The following HSP90AA1 variants were observed in gnomAD, a reference collection of about 807,000 sequenced individuals.
The protein encoded by HSP90AA1 is heat shock protein 90 alpha family class A member 1.
In HSP90AA1, 18 loss-of-function variants were observed where a neutral mutation model predicts 73.3. The observed-to-expected ratio is 0.25, with a 90% confidence interval of 0.17 to 0.36. HSP90AA1 has a LOEUF of 0.36. Among genes scored for constraint, HSP90AA1 ranks in the 10% least tolerant of loss-of-function variants. HSP90AA1 has a pLI of 1.00. For synonymous variants in HSP90AA1, 477 were observed against 296.9 expected (o/e 1.61, Z -6.24); for missense variants, 704 against 874.2 (o/e 0.81, Z 2.45).
chr14:102,129,504 CTTTTT>C (rs34986713), intron 1 of HSP90AA1, among the ~76,000 whole-genome samples: 11 of 108,524 alleles, frequency 1.0e-4, no homozygotes, highest in African/African-American at 2.4e-4. Context: ...TACTACATTC[CTTTTT>C]TTTTTTTTTT....
Position 102,086,998 on chromosome 14 carries a change from A to G in HSP90AA1, c.-13T>C, listed in dbSNP as rs2049258748. 2 of 983,820 alleles carry G rather than the reference A, an allele frequency of 2.0e-6. No homozygotes were observed. The highest frequency in any genetic ancestry group is 2.4e-6 in the Non-Finnish European group (2 of 829,662). 60.9% of individuals were successfully genotyped at this position (983,820 alleles called of 1,614,324 possible). A position where few individuals can be genotyped will look rare whatever the true frequency, so the allele number is the denominator to read the frequency against. ...AACCACCCGTCACCTTGGCTAAGTG[A>G]CCGCACAGGACCAACGGCACAGCCA... On this transcript the variant is annotated 5_prime_UTR_variant, in exon 1 of 11. Coordinates refer to ENST00000216281, the MANE Select transcript of HSP90AA1 (RefSeq NM_005348.4).
intron 2 of HSP90AA1, chr14:102,101,760 A>G (rs2049495989): frequency 1.2e-6 from 1 of 826,064 alleles, no homozygotes; most frequent in African/African-American, 1.7e-5. Context: ...AATAAACAAT[A>G]AAGAGAGTGA....
rs2049201467 is a variant in HSP90AA1 at position 102,085,370 on chromosome 14, G to A, written c.591C>T (p.Tyr197=). The A allele has an allele frequency of 1.2e-6, 2 of 1,612,398 alleles. No homozygotes were observed. Among genetic ancestry groups the A allele is most frequent in the East Asian group, 4.5e-5 (2 of 44,880 alleles). The part of the protein sequence containing the change: ...ILHLKEDQTE[Y]LEERRIKEIV... ...TCTCCTTTATTCTTCGTTCCTCCAA[G>A]TACTCAGTTTGGTCTTCTTTCAGGT... The change falls in exon 4 of 11, where the codon TAC becomes TAT. Residue 197 remains tyrosine, a synonymous_variant. Transcript: ENST00000216281.
intron 2 of HSP90AA1, among the ~76,000 whole-genome samples, chr14:102,092,855 ACT>A (rs920844665): frequency 9.2e-5 from 14 of 151,766 alleles, no homozygotes; most frequent in African/African-American, 3.4e-4. Flanking sequence ...AGTTCAAGTA[ACT>A]CTCATGCTTC....
chr14:102,114,873 G>A (rs1032935252), intron 1 of HSP90AA1, among the ~76,000 whole-genome samples: 4 of 152,068 alleles, frequency 2.6e-5, no homozygotes, highest in South Asian at 4.1e-4. Flanking sequence ...GGTGGCTCAC[G>A]CCTGTAATCC....
Position 102,080,989 on chromosome 14 carries a change from G to A in HSP90AA1, c.*723C>T, listed in dbSNP as rs1328158532. On this transcript the variant is annotated 3_prime_UTR_variant, in exon 11 of 11. Coordinates refer to ENST00000216281, the MANE Select transcript of HSP90AA1 (RefSeq NM_005348.4). ...CTAGCGCCTCATGTTTTACATTTTG[G>A]CACTAACTGTCATCCAGATACTCCC... 1 of 226,552 alleles carries A rather than the reference G, an allele frequency of 4.4e-6. No homozygotes were observed. The highest frequency in any genetic ancestry group is 8.8e-6 in the Non-Finnish European group (1 of 114,132). The allele number at this position is 226,552 out of a possible 1,614,324, so 14.0% of individuals were successfully genotyped here.
chr14:102,107,220 C>A (rs760479340), intron 1 of HSP90AA1, among the ~76,000 whole-genome samples: 1 of 152,052 alleles, frequency 6.6e-6, no homozygotes, highest in East Asian at 1.9e-4. Flanking sequence ...AGTGCCCCAA[C>A]CCTGGCCTGC....
intron 1 of HSP90AA1, among the ~76,000 whole-genome samples, chr14:102,132,137 G>C (rs982554218): frequency 6.6e-6 from 1 of 152,176 alleles, no homozygotes; most frequent in Admixed American, 6.6e-5. Context: ...GGGAGGCCGA[G>C]ACGGGCAGAT....
chr14:102,133,622 T>A (rs2049937385), intron 1 of HSP90AA1, among the ~76,000 whole-genome samples: 1 of 151,912 alleles, frequency 6.6e-6, no homozygotes, highest in African/African-American at 2.4e-5. Flanking sequence ...TAGCTGGGAT[T>A]ACAGGCATAT....
chr14:102,110,573 CCAT>C (rs2049627542), intron 1 of HSP90AA1, among the ~76,000 whole-genome samples: 1 of 150,426 alleles, frequency 6.6e-6, no homozygotes, highest in Admixed American at 6.6e-5. Context: ...GCGCCCACCA[CCAT>C]GCCCGGATAA....
upstream of HSP90AA1, chr14:102,087,189 C>T (rs1238667725): frequency 3.1e-6 from 3 of 982,454 alleles, no homozygotes; most frequent in Non-Finnish European, 3.6e-6. Flanking sequence ...GTTGCCGCGG[C>T]ACCCCGCCCC....
chr14:102,130,057 G>A lies in HSP90AA1; in HGVS notation c.155+9193C>T, dbSNP rs186350858. 1.1e-4 allele frequency among the ~76,000 whole-genome samples: 16 copies of A among 149,888 alleles called. No homozygotes were observed. The East Asian group carries it at 1.4e-3, about 13-fold the overall frequency. On this transcript the variant is annotated intron_variant, in intron 1 of 11. Coordinates refer to the HSP90AA1 transcript ENST00000334701. ...GTGATCTCGGCTCACTGCAACCTCC[G>A]CCTCCTGGGTTCAAGCGATTCTCCT...
intron 1 of HSP90AA1, among the ~76,000 whole-genome samples, chr14:102,115,785 A>AT: frequency 6.6e-6 from 1 of 151,914 alleles, no homozygotes; most frequent in Non-Finnish European, 1.5e-5. Context: ...TCTAAAAAAA[A>AT]TTTTTTAGAG....
intron 2 of HSP90AA1, among the ~76,000 whole-genome samples, chr14:102,100,111 C>T (rs2049474369): frequency 2.0e-5 from 3 of 151,960 alleles, no homozygotes; most frequent in Admixed American, 6.6e-5. Flanking sequence ...TAGCTTGACC[C>T]AGGGAGGCAG....
In HSP90AA1 at chr14:102,081,689, G is replaced by A; in HGVS notation, c.*23C>T. 4 of 943,768 alleles carry A rather than the reference G, an allele frequency of 4.2e-6. No homozygotes were observed. Among genetic ancestry groups the A allele is most frequent in the Non-Finnish European group, 7.1e-6 (4 of 567,312 alleles). 58.5% of individuals were successfully genotyped at this position (943,768 alleles called of 1,614,324 possible). A position where few individuals can be genotyped will look rare whatever the true frequency, so the allele number is the denominator to read the frequency against. ...AGAGGAATTGTAGAGTACTGAACAG[G>A]TAAGTCATCCCTCAGCCAGAGATTA... On this transcript the variant is annotated 3_prime_UTR_variant, in exon 11 of 11. Transcript: ENST00000216281.
intron 1 of HSP90AA1, among the ~76,000 whole-genome samples, chr14:102,103,204 A>G (rs2049517913): frequency 1.4e-5 from 2 of 141,662 alleles, no homozygotes; most frequent in South Asian, 2.2e-4. Context: ...AAAAAAAAAA[A>G]GCAGAAGTGG....
At position 102,082,550 on chromosome 14, in the gene HSP90AA1, T is replaced by C. The variant is rs2037858507; in HGVS notation, c.1756-106A>G. On this transcript the variant is annotated intron_variant, in intron 9 of 10. Coordinates refer to ENST00000216281, the MANE Select transcript of HSP90AA1 (RefSeq NM_005348.4). ...AAATTTCAATAGATCCAAAATACTATCTACTGTCAAATACAACTTAAATGT... is the reference window on the plus strand; with the variant it reads ...AAATTTCAATAGATCCAAAATACTACCTACTGTCAAATACAACTTAAATGT... 45 of 811,312 alleles carry C rather than the reference T, an allele frequency of 5.5e-5. 1 individual carries two copies. In the South Asian group the frequency reaches 6.2e-4, roughly 11 times the overall value. The allele number at this position is 811,312 out of a possible 1,614,324, so 50.3% of individuals were successfully genotyped here.
At chr14:102,124,382 G>C (rs997681039) in intron 1 of HSP90AA1, among the ~76,000 whole-genome samples, 2 of 151,682 alleles carry the variant, frequency 1.3e-5, no homozygotes, top group Non-Finnish European at 2.9e-5. Context: ...AGTAGAGGTG[G>C]GGGTTTCACC....
At chr14:102,089,738 C>T (rs182504551), upstream of HSP90AA1, among the ~76,000 whole-genome samples, 2 of 152,270 alleles carry the variant, frequency 1.3e-5, no homozygotes, top group Non-Finnish European at 2.9e-5. Flanking sequence ...TTAGCCAGGT[C>T]ACTGACTATC....
Sources: allele counts gnomAD v4.1 joint callset (sites outside exome capture counted in the v4.1 genomes callset), GRCh38; gene constraint gnomAD v4.1.1; transcripts MANE v1.5; gene names NCBI Gene and HGNC (gene_info 2026-07-23, HGNC 2026-07-21).